Variants in GPBP1 observed in about 807,000 individuals in gnomAD.
GPBP1 encodes GC-rich promoter binding protein 1.
Under a neutral mutation model 56.5 loss-of-function variants are expected in GPBP1, and 13 were observed. The ratio of observed to expected loss-of-function variants is 0.23; its 90% CI spans 0.15 to 0.37. GPBP1 has a LOEUF of 0.37. Among genes scored for constraint, GPBP1 ranks in the 10% least tolerant of loss-of-function variants. The pLI, the probability that GPBP1 is intolerant of heterozygous loss-of-function variation, is 1.00. For missense variants in GPBP1, 477 were observed against 572.3 expected (o/e 0.83, Z 1.70); for synonymous variants, 204 against 188.9 (o/e 1.08, Z -0.66).
intron 5 of GPBP1, 76 bp from the exon 6 acceptor site, chr5:57,235,890 A>G: frequency 1.9e-6 from 2 of 1,026,374 alleles, no homozygotes; most frequent in Non-Finnish European, 3.1e-6. Flanking sequence ...CATCAGTTAC[A>G]ACATGTATGA....
intron 3 of GPBP1, among the ~76,000 whole-genome samples, chr5:57,221,109 A>G (rs545965690): frequency 2.0e-5 from 3 of 152,288 alleles, no homozygotes; most frequent in East Asian, 1.9e-4. Context: ...AGTAGTTTTG[A>G]GATGTGTAGA....
At chr5:57,189,368 C>G (rs1165826411) in intron 2 of GPBP1, among the ~76,000 whole-genome samples, 1 of 152,222 alleles carries the variant, frequency 6.6e-6, no homozygotes, top group Non-Finnish European at 1.5e-5. Context: ...ATCTGCCCAC[C>G]TAGGCCTCCC....
rs1742011193 is a variant in GPBP1, at chr5:57,264,005, G to C, written c.*1253G>C. Reference sequence around the variant, plus strand: ...GGTTTTATGTCAGATCTAATCTTAAGTGTTTGTTGTTTTTTAAAAAGTGTT... The same window carrying C: ...GGTTTTATGTCAGATCTAATCTTAACTGTTTGTTGTTTTTTAAAAAGTGTT... On this transcript the variant is annotated 3_prime_UTR_variant, in exon 12 of 12. Transcript: ENST00000506184. The C allele has an allele frequency of 6.6e-6, 1 of 152,078 alleles. No individual in the cohort carries two copies. The allele number at this position is 152,078 out of a possible 1,614,324, so 9.4% of individuals were successfully genotyped here.
At chr5:57,232,005 G>GT (rs1263402282) in intron 5 of GPBP1, among the ~76,000 whole-genome samples, 2 of 152,092 alleles carry the variant, frequency 1.3e-5, no homozygotes, top group East Asian at 3.9e-4. Flanking sequence ...TTTCATGTTT[G>GT]TGTGTGTGTA....
chr5:57,231,602 C>G (rs1035175716), intron 5 of GPBP1, among the ~76,000 whole-genome samples: 1 of 152,100 alleles, frequency 6.6e-6, no homozygotes, highest in Non-Finnish European at 1.5e-5. Flanking sequence ...CTGCACCCGG[C>G]CAAAATACTG....
intron 2 of GPBP1, among the ~76,000 whole-genome samples, chr5:57,187,592 T>C (rs1186080843): frequency 6.6e-6 from 1 of 152,180 alleles, no homozygotes; most frequent in East Asian, 1.9e-4. Context: ...TGAATTATGG[T>C]TTCATGCCAT....
chr5:57,178,457 G>T (rs1195404449), intron 2 of GPBP1, among the ~76,000 whole-genome samples: 1 of 152,118 alleles, frequency 6.6e-6, no homozygotes, highest in African/African-American at 2.4e-5. Context: ...TGTTGGTCAG[G>T]CTGGCCTTGA....
intron 10 of GPBP1, among the ~76,000 whole-genome samples, chr5:57,253,912 C>G (rs116135187): frequency 1.3e-5 from 2 of 152,116 alleles, no homozygotes; most frequent in African/African-American, 4.8e-5. Context: ...GCGTGAGCCA[C>G]GACACCTGGC....
intron 10 of GPBP1, among the ~76,000 whole-genome samples, chr5:57,258,458 T>C (rs1377749113): frequency 6.6e-6 from 1 of 152,182 alleles, no homozygotes; most frequent in African/African-American, 2.4e-5. Context: ...GTATTTGTAA[T>C]CATAATACAG....
intron 10 of GPBP1, among the ~76,000 whole-genome samples, chr5:57,260,259 A>C (rs556488325): frequency 1.3e-5 from 2 of 152,252 alleles, no homozygotes; most frequent in Non-Finnish European, 2.9e-5. Flanking sequence ...TTCCTTGTCA[A>C]TTGATGGGGA....
chr5:57,251,301 C>T (rs974890283), intron 10 of GPBP1, among the ~76,000 whole-genome samples, 160 bp downstream of exon 10: 10 of 152,078 alleles, frequency 6.6e-5, no homozygotes, highest in Non-Finnish European at 1.3e-4. Context: ...TCAAAGTAGC[C>T]CTTTGTTCAC....
intron 3 of GPBP1, among the ~76,000 whole-genome samples, chr5:57,223,506 A>G (rs1756043207): frequency 6.6e-6 from 1 of 152,132 alleles, no homozygotes; most frequent in African/African-American, 2.4e-5. Context: ...TGCAGGATCA[A>G]TATTCAATAT....
At chr5:57,255,249 T>C (rs1741605928) in intron 10 of GPBP1, among the ~76,000 whole-genome samples, 1 of 152,156 alleles carries the variant, frequency 6.6e-6, no homozygotes, top group African/African-American at 2.4e-5. Flanking sequence ...CCTCTTCCTC[T>C]CTTTCCTTTC....
intron 2 of GPBP1, among the ~76,000 whole-genome samples, chr5:57,177,901 C>T (rs1040316008): frequency 1.3e-5 from 2 of 151,932 alleles, no homozygotes; most frequent in Admixed American, 1.3e-4. Context: ...CTGTTGAATC[C>T]TGCTAGCTCC....
intron 6 of GPBP1, chr5:57,237,319 A>G: frequency 1.5e-6 from 1 of 663,150 alleles, no homozygotes; most frequent in Admixed American, 2.4e-5. Context: ...CAAGAATGCC[A>G]GTGAGCGTTT....
rs372824310 is a variant in GPBP1 at position 57,182,032 on chromosome 5, G to A, written c.-58+5632G>A. Among the ~76,000 whole-genome samples the A allele has an allele frequency of 7.7e-4, 117 of 152,060 alleles. 2 individuals are homozygous for A. Among genetic ancestry groups the A allele is most frequent in the African/African-American group, 2.8e-3 (116 of 41,482 alleles). ...TTTCTTGGTCTTTAGTTATTATTTT[G>A]TTCACAGCTTGGTGGGTGCAGTGCT... On this transcript the variant is annotated intron_variant, in intron 2 of 11. Coordinates refer to ENST00000506184, the MANE Select transcript of GPBP1 (RefSeq NM_022913.4).
At chr5:57,216,700 A>ACT (rs999219363) in intron 3 of GPBP1, among the ~76,000 whole-genome samples, 1 of 152,158 alleles carries the variant, frequency 6.6e-6, no homozygotes, top group African/African-American at 2.4e-5. Context: ...ACAAAACAAA[A>ACT]CAAAAAACAC....
rs543005934 is a variant in GPBP1, at chr5:57,229,230, CAAAAA to C, written c.64-1583_64-1579del. Among the ~76,000 whole-genome samples the C allele has an allele frequency of 2.6e-4, 20 of 77,422 alleles. 1 individual carries two copies. The highest frequency in any genetic ancestry group is 7.4e-4 in the South Asian group (2 of 2,720). 50.8% of individuals were successfully genotyped at this position (77,422 alleles called of 152,430 possible). A position where few individuals can be genotyped will look rare whatever the true frequency, so the allele number is the denominator to read the frequency against. On this transcript the variant is annotated intron_variant, in intron 3 of 11. Coordinates refer to ENST00000506184, the MANE Select transcript of GPBP1 (RefSeq NM_022913.4). Reference sequence around the variant, plus strand: ...TGGGCGACAGAACAAGACTCCATCTCAAAAAAAAAAAAAAAAAAAAAAAAAAAAAA... The same window carrying C: ...TGGGCGACAGAACAAGACTCCATCTCAAAAAAAAAAAAAAAAAAAAAAAAA...
At chr5:57,237,783 G>A (rs1740605471) in intron 6 of GPBP1, among the ~76,000 whole-genome samples, 2 of 151,788 alleles carry the variant, frequency 1.3e-5, no homozygotes, top group Admixed American at 6.6e-5. Flanking sequence ...CTTCAATAGA[G>A]CTTTTCTAGT....
Sources: allele counts gnomAD v4.1 joint callset (sites outside exome capture counted in the v4.1 genomes callset), GRCh38; gene constraint gnomAD v4.1.1; transcripts MANE v1.5; gene names NCBI Gene and HGNC (gene_info 2026-07-23, HGNC 2026-07-21).